CPVL: variants seen among roughly 807,000 people sequenced by gnomAD.
The protein encoded by CPVL is probable serine carboxypeptidase CPVL.
A neutral mutation model predicts 63.7 loss-of-function variants in CPVL; 51 were observed. The observed-to-expected ratio is 0.80, with a 90% CI of 0.64 to 1.01. The LOEUF (loss-of-function observed/expected upper bound fraction) is 1.01. CPVL is among the 50% of genes least tolerant of loss of function. The pLI is 0.00. For missense variants in CPVL, 530 were observed against 573.1 expected (o/e 0.92, Z 0.77); for synonymous variants, 195 against 206.0 (o/e 0.95, Z 0.46).
intron 11 of CPVL, among the ~76,000 whole-genome samples, chr7:29,046,908 T>G (rs1789679984): frequency 6.6e-6 from 1 of 152,196 alleles, no homozygotes; most frequent in Non-Finnish European, 1.5e-5. Flanking sequence ...GAGAGTGCAT[T>G]CGCATTTTTT....
chr7:29,166,253 C>G (rs1267763359), intron 5 of CPVL, among the ~76,000 whole-genome samples: 2 of 152,100 alleles, frequency 1.3e-5, no homozygotes, highest in Non-Finnish European at 2.9e-5. Context: ...AGGCTAGTCT[C>G]AAACTCCTGG....
intron 11 of CPVL, among the ~76,000 whole-genome samples, chr7:29,036,707 T>C (rs967433893): frequency 6.6e-6 from 1 of 152,180 alleles, no homozygotes; most frequent in Non-Finnish European, 1.5e-5. Context: ...CAAAATCACA[T>C]GGAATTCCCC....
chr7:28,995,925 A>G (rs369048385), intron 12 of CPVL, 43 bp from the exon 13 acceptor site: 19 of 1,071,132 alleles, frequency 1.8e-5, no homozygotes, highest in Non-Finnish European at 2.6e-5. Context: ...AGAGAAATGG[A>G]TATTCTAAAT....
intron 11 of CPVL, among the ~76,000 whole-genome samples, chr7:29,053,640 G>A (rs1232412427): frequency 1.3e-5 from 2 of 152,144 alleles, no homozygotes; most frequent in Non-Finnish European, 2.9e-5. Context: ...CAGATGTGAT[G>A]AAGATGTTCA....
intron 1 of CPVL, among the ~76,000 whole-genome samples, chr7:29,145,581 T>C (rs925978581): frequency 6.7e-6 from 1 of 148,996 alleles, no homozygotes; most frequent in Non-Finnish European, 1.5e-5. Flanking sequence ...GTCTTCACCA[T>C]AGACTTCATC....
At chr7:28,998,931 T>A (rs1178776631) in intron 12 of CPVL, among the ~76,000 whole-genome samples, 1 of 152,104 alleles carries the variant, frequency 6.6e-6, no homozygotes, top group Non-Finnish European at 1.5e-5. Context: ...CTTGGCTGGG[T>A]GCAGTGGCTC....
intron 12 of CPVL, among the ~76,000 whole-genome samples, chr7:29,001,776 G>A (rs573373482): frequency 6.6e-6 from 1 of 152,158 alleles, no homozygotes; most frequent in African/African-American, 2.4e-5. Flanking sequence ...ACATATTCTA[G>A]AGCAGTTAAA....
Position 29,071,758 on chromosome 7 carries a change from G to C in CPVL, c.864+15C>G. Reference sequence around the variant, plus strand: ...TTTAATTGCTCAAGGGCAGCACAGGGCCCCCAGAACTCACTTCAAAGGCCT... The same window carrying C: ...TTTAATTGCTCAAGGGCAGCACAGGCCCCCCAGAACTCACTTCAAAGGCCT... On this transcript the variant is annotated intron_variant, in intron 9 of 12. Transcript: ENST00000265394. 2.5e-6 allele frequency: 4 copies of C among 1,588,308 alleles called. No homozygotes were observed. The highest frequency in any genetic ancestry group is 3.4e-6 in the Non-Finnish European group (4 of 1,165,142).
intron 5 of CPVL, among the ~76,000 whole-genome samples, chr7:29,166,039 CTGTT>C (rs1187851085): frequency 6.6e-6 from 1 of 151,904 alleles, no homozygotes; most frequent in African/African-American, 2.4e-5. Context: ...TTTTGTTTGT[CTGTT>C]TGTTTTTAGA....
chr7:29,026,285 G>T (rs1023003857), intron 12 of CPVL, among the ~76,000 whole-genome samples: 3 of 151,932 alleles, frequency 2.0e-5, no homozygotes, highest in Non-Finnish European at 2.9e-5. Context: ...AAATGGAAAC[G>T]CAAAATACCA....
At chr7:29,119,060 T>C (rs1037689371) in intron 2 of CPVL, among the ~76,000 whole-genome samples, 1 of 152,204 alleles carries the variant, frequency 6.6e-6, no homozygotes, top group African/African-American at 2.4e-5. Context: ...CACTACCCCA[T>C]TTTTCTGCTG....
chr7:29,005,504 G>C (rs1437997126), intron 12 of CPVL, among the ~76,000 whole-genome samples: 1 of 152,118 alleles, frequency 6.6e-6, no homozygotes, highest in Non-Finnish European at 1.5e-5. Flanking sequence ...GAAGCAGCTT[G>C]AATGTGAAAG....
intron 7 of CPVL, among the ~76,000 whole-genome samples, chr7:29,073,563 T>C (rs979964407): frequency 6.6e-6 from 1 of 152,186 alleles, no homozygotes; most frequent in Admixed American, 6.5e-5. Context: ...TCCTTGCACA[T>C]ACCAGGCACA....
At chr7:29,101,372 G>A (rs1238011635) in intron 3 of CPVL, among the ~76,000 whole-genome samples, 6 of 152,220 alleles carry the variant, frequency 3.9e-5, no homozygotes, top group East Asian at 3.9e-4. Context: ...AGGCTGAGGC[G>A]GGTGGATCAC....
intron 5 of CPVL, among the ~76,000 whole-genome samples, chr7:29,158,787 G>A (rs1379538843): frequency 6.6e-6 from 1 of 152,162 alleles, no homozygotes; most frequent in Non-Finnish European, 1.5e-5. Flanking sequence ...AGCAGTATTT[G>A]TGATTTCACC....
chr7:29,072,358 C>G lies in CPVL; in HGVS notation c.675G>C (p.Glu225Asp), dbSNP rs1432551474. 2 of 1,613,884 alleles carry G rather than the reference C, an allele frequency of 1.2e-6. No homozygotes were observed. Among genetic ancestry groups the G allele is most frequent in the Non-Finnish European group, 1.7e-6 (2 of 1,179,944 alleles). ...CAATTCCGTTCAGGTTGATCTTCAC[C>G]TCTCTCACAGGGTTGAGGGAATGGA... ...HLIHSLNPVR[E>D]VKINLNGIAI... Residue 225 changes from glutamate (E) to aspartate (D), a missense_variant, in exon 8 of 13, where the codon GAG becomes GAC. By Grantham distance (45) the Glu-to-Asp change is conservative. Coordinates refer to ENST00000265394, the MANE Select transcript of CPVL (RefSeq NM_031311.5).
In CPVL at chr7:28,995,608, T is replaced by TC. The variant is rs1783980433; in HGVS notation, c.*163dup. 1.7e-6 allele frequency: 1 copy of TC among 600,110 alleles called. No individual in the cohort carries two copies. Among genetic ancestry groups the TC allele is most frequent in the South Asian group, 2.1e-5 (1 of 48,272 alleles). 37.2% of individuals were successfully genotyped at this position (600,110 alleles called of 1,614,324 possible). ...TCATGTTAATTTTGTAGTAAACATCTCCCCCCAAAAACAAAAGCTCACTTG... is the reference window on the plus strand; with the variant it reads ...TCATGTTAATTTTGTAGTAAACATCTCCCCCCCAAAAACAAAAGCTCACTTG... On this transcript the variant is annotated 3_prime_UTR_variant, in exon 13 of 13. Transcript: ENST00000265394.
chr7:29,089,310 G>A (rs1382158153), intron 6 of CPVL, among the ~76,000 whole-genome samples: 1 of 152,164 alleles, frequency 6.6e-6, no homozygotes, highest in African/African-American at 2.4e-5. Context: ...TAGACCCAAA[G>A]ACAGCACTGG....
intron 3 of CPVL, among the ~76,000 whole-genome samples, chr7:29,099,449 T>A (rs977203337): frequency 3.3e-5 from 5 of 152,166 alleles, no homozygotes; most frequent in Non-Finnish European, 7.3e-5. Flanking sequence ...TGGTGGCGCA[T>A]GCCTATGATC....
Sources: allele counts gnomAD v4.1 joint callset (sites outside exome capture counted in the v4.1 genomes callset), GRCh38; gene constraint gnomAD v4.1.1; transcripts MANE v1.5; gene names NCBI Gene and HGNC (gene_info 2026-07-23, HGNC 2026-07-21).